BLTP3B: variants seen among roughly 807,000 people sequenced by gnomAD.
BLTP3B encodes UHRF1 (ICBP90) binding protein 1-like.
At chr12:100,125,160 C>T in the BLTP3B span, among the ~76,000 whole-genome samples, 4 of 148,982 alleles carry the variant, frequency 2.7e-5, no homozygotes, top group Non-Finnish European at 6.0e-5. Context: ...GGTGAAACCC[C>T]GTCTCTACTA....
At chr12:100,082,947 G>T in the BLTP3B span, 1 of 1,090,752 alleles carries the variant, frequency 9.2e-7, no homozygotes, top group Non-Finnish European at 1.4e-6. Context: ...GGTAGCATTT[G>T]TTATTTAAGT....
the BLTP3B span, among the ~76,000 whole-genome samples, chr12:100,067,266 T>TCACA: frequency 1.3e-5 from 2 of 151,670 alleles, no homozygotes; most frequent in African/African-American, 4.9e-5. Context: ...CAACCTAAGG[T>TCACA]CACACCTCAA....
At chr12:100,111,756 C>T in the BLTP3B span, among the ~76,000 whole-genome samples, 1 of 152,118 alleles carries the variant, frequency 6.6e-6, no homozygotes, top group Admixed American at 6.6e-5. Context: ...CAGGCACGCA[C>T]CACCACGCCC....
chr12:100,140,729 A>AATATATATATATATATAT, the BLTP3B span, among the ~76,000 whole-genome samples: 33 of 61,476 alleles, frequency 5.4e-4, no homozygotes, highest in African/African-American at 2.9e-3. Flanking sequence ...AAAAAAAAAA[A>AATATATATATATATATAT]ATATATATAT....
chr12:100,142,868 G>C, the BLTP3B span: 4 of 504,588 alleles, frequency 7.9e-6, no homozygotes, highest in Non-Finnish European at 1.4e-5. Flanking sequence ...CATCACCTAA[G>C]AGACTCGGTG....
the BLTP3B span, among the ~76,000 whole-genome samples, chr12:100,128,936 T>C: frequency 6.6e-6 from 1 of 152,178 alleles, no homozygotes; most frequent in East Asian, 1.9e-4. Flanking sequence ...TCACTGTTAC[T>C]ACTACTCCCC....
At chr12:100,138,325 G>C in the BLTP3B span, among the ~76,000 whole-genome samples, 1 of 152,138 alleles carries the variant, frequency 6.6e-6, no homozygotes, top group African/African-American at 2.4e-5. Context: ...AAATAGATCA[G>C]CTTTCTGATG....
At chr12:100,115,266 T>C in the BLTP3B span, among the ~76,000 whole-genome samples, 1 of 152,002 alleles carries the variant, frequency 6.6e-6, no homozygotes, top group Non-Finnish European at 1.5e-5. Context: ...ATTAGCCAGA[T>C]GTGGTGGCAG....
At chr12:100,067,833 T>C in the BLTP3B span, among the ~76,000 whole-genome samples, 1 of 152,196 alleles carries the variant, frequency 6.6e-6, no homozygotes, top group South Asian at 2.1e-4. Flanking sequence ...AAAACACTGC[T>C]GAAAGAAGTC....
chr12:100,142,062 A>G, the BLTP3B span, among the ~76,000 whole-genome samples: 1 of 152,224 alleles, frequency 6.6e-6, no homozygotes, highest in Admixed American at 6.5e-5. Flanking sequence ...GATGCCACAG[A>G]GCGGGAACGC....
At chr12:100,081,787 G>A in the BLTP3B span, among the ~76,000 whole-genome samples, 1 of 152,134 alleles carries the variant, frequency 6.6e-6, no homozygotes, top group African/African-American at 2.4e-5. Flanking sequence ...CGGTGTATAT[G>A]TACCACAGTT....
At chr12:100,050,712 T>C in the BLTP3B span, among the ~76,000 whole-genome samples, 1 of 152,082 alleles carries the variant, frequency 6.6e-6, no homozygotes, top group Non-Finnish European at 1.5e-5. Flanking sequence ...CTAGGGAGGC[T>C]GGGACAGGAA....
At chr12:100,118,175 C>T in the BLTP3B span, among the ~76,000 whole-genome samples, 1 of 151,960 alleles carries the variant, frequency 6.6e-6, no homozygotes. Context: ...AACACGTGGC[C>T]AGGTCTCCTC....
At chr12:100,094,194 T>G in the BLTP3B span, among the ~76,000 whole-genome samples, 2 of 152,160 alleles carry the variant, frequency 1.3e-5, no homozygotes, top group Non-Finnish European at 2.9e-5. Context: ...TGGCTTGACC[T>G]CCTGGGTTCA....
At chr12:100,130,536 T>C in the BLTP3B span, among the ~76,000 whole-genome samples, 1 of 152,210 alleles carries the variant, frequency 6.6e-6, no homozygotes, top group Non-Finnish European at 1.5e-5. Flanking sequence ...ACCTATATTC[T>C]TTAAAAATAA....
the BLTP3B span, among the ~76,000 whole-genome samples, chr12:100,090,608 A>G: frequency 4.6e-5 from 7 of 152,170 alleles, no homozygotes; most frequent in African/African-American, 1.7e-4. Context: ...ATCATACTGT[A>G]AAAGAACTGC....
the BLTP3B span, chr12:100,072,627 T>C: frequency 2.1e-6 from 3 of 1,409,824 alleles, no homozygotes; most frequent in Admixed American, 5.4e-5. Context: ...AAGAAAAAAA[T>C]ACTTTCTCAA....
chr12:100,097,596 T>G, the BLTP3B span: 1,974 of 1,361,246 alleles, frequency 1.5e-3, 1 homozygote, highest in Non-Finnish European at 1.9e-3. Flanking sequence ...ATGTATATTC[T>G]CAGTTAATTT....
At chr12:100,039,781 T>C in the BLTP3B span, 1 of 1,609,566 alleles carries the variant, frequency 6.2e-7, no homozygotes, top group Non-Finnish European at 8.5e-7. Flanking sequence ...GTGTTAAGCA[T>C]GTGAGAATCT....
Sources: gnomAD v4.1 joint callset for allele counts (sites outside exome capture counted in the v4.1 genomes callset) on GRCh38, gnomAD v4.1.1 for gene constraint, MANE v1.5 for transcripts, NCBI Gene and HGNC (gene_info 2026-07-23, HGNC 2026-07-21) for gene names.